The following DYNC2H1 variants were observed in gnomAD, a reference collection of about 807,000 sequenced individuals.
The protein encoded by DYNC2H1 is cytoplasmic dynein 2 heavy chain 1.
In DYNC2H1, 410 loss-of-function variants were observed where a neutral mutation model predicts 570.0. The ratio of observed to expected loss-of-function variants is 0.72; its 90% CI spans 0.66 to 0.78. The LOEUF is 0.78. DYNC2H1 is among the 30% of genes least tolerant of loss of function. The pLI is 0.00. For synonymous variants in DYNC2H1, 1,688 were observed against 1,677.6 expected (o/e 1.01, Z -0.15); for missense variants, 4,865 against 5,046.4 (o/e 0.96, Z 1.09).
intron 47 of DYNC2H1, among the ~76,000 whole-genome samples, chr11:103,195,188 C>G (rs2135063895): frequency 6.6e-6 from 1 of 152,256 alleles, no homozygotes; most frequent in African/African-American, 2.4e-5. Context: ...TGAAGCCTAA[C>G]CTATCATTTT....
intron 60 of DYNC2H1, among the ~76,000 whole-genome samples, chr11:103,233,429 TA>T (rs982626817): frequency 6.6e-6 from 1 of 151,842 alleles, no homozygotes; most frequent in African/African-American, 2.4e-5. Flanking sequence ...TCAAGGAAAA[TA>T]ATTTAAAAAG....
chr11:103,266,274 G>A (rs1399178038), intron 70 of DYNC2H1, among the ~76,000 whole-genome samples: 3 of 152,120 alleles, frequency 2.0e-5, no homozygotes, highest in Non-Finnish European at 2.9e-5. Flanking sequence ...TAACCAGGTG[G>A]GGGAGGCAGC....
intron 84 of DYNC2H1, among the ~76,000 whole-genome samples, chr11:103,418,119 G>A (rs192295161): frequency 3.0e-4 from 46 of 152,146 alleles, no homozygotes; most frequent in African/African-American, 1.0e-3. Flanking sequence ...TTATGATCAG[G>A]AATGAGGCAT....
At chr11:103,331,382 T>G (rs1938782750) in intron 82 of DYNC2H1, among the ~76,000 whole-genome samples, 1 of 152,046 alleles carries the variant, frequency 6.6e-6, no homozygotes, top group Non-Finnish European at 1.5e-5. Context: ...AGCTATTTTG[T>G]GGGGAGGGGT....
At chr11:103,172,271 C>G (rs1861606090) in intron 34 of DYNC2H1, among the ~76,000 whole-genome samples, 1 of 151,994 alleles carries the variant, frequency 6.6e-6, no homozygotes, top group South Asian at 2.1e-4. Flanking sequence ...TGTCTTTTCT[C>G]CCAACCAGTA....
intron 84 of DYNC2H1, 76 bp from the exon 85 acceptor site, chr11:103,435,867 A>G (rs1944042256): frequency 2.0e-6 from 3 of 1,476,336 alleles, no homozygotes; most frequent in East Asian, 2.4e-5. Flanking sequence ...ATTTTTCTCC[A>G]TCACACTAGT....
intron 83 of DYNC2H1, among the ~76,000 whole-genome samples, chr11:103,360,704 G>A (rs1396603601): frequency 2.0e-5 from 3 of 151,952 alleles, no homozygotes; most frequent in African/African-American, 7.3e-5. Flanking sequence ...TTTATGCTAG[G>A]GACTATGCAG....
At chr11:103,330,137 A>G (rs313389) in intron 82 of DYNC2H1, among the ~76,000 whole-genome samples, 47,039 of 152,144 alleles carry the variant, frequency 0.31, 8,610 homozygotes, top group Non-Finnish European at 0.4. Context: ...AATTCAGTTT[A>G]GTGGGGAGAG....
In DYNC2H1 at chr11:103,363,782, G is replaced by C. The variant is rs1424963583; in HGVS notation, c.12156+5423G>C. ...CAAAAGTGTTATTGTAGCTGATTTA[G>C]TGTGCATTCTCTGCTGCTTTATGTT... On this transcript the variant is annotated intron_variant, in intron 83 of 88. Coordinates refer to ENST00000375735, the MANE Select transcript of DYNC2H1 (RefSeq NM_001377.3). The surrounding 1 kb of genome is among the most constrained non-coding windows in gnomAD (Gnocchi z 5.6). Among the ~76,000 whole-genome samples, 1 of 152,188 alleles carries C rather than the reference G, an allele frequency of 6.6e-6. No homozygotes were observed. Among genetic ancestry groups the C allele is most frequent in the Non-Finnish European group, 1.5e-5 (1 of 68,030 alleles).
intron 82 of DYNC2H1, among the ~76,000 whole-genome samples, chr11:103,343,346 A>G (rs1390605804): frequency 6.6e-6 from 1 of 152,112 alleles, no homozygotes; most frequent in Non-Finnish European, 1.5e-5. Context: ...CTCTTCTCCA[A>G]GGCTAGTCTC....
intron 75 of DYNC2H1, among the ~76,000 whole-genome samples, chr11:103,301,453 G>A (rs533317554): frequency 6.7e-4 from 102 of 152,018 alleles, no homozygotes; most frequent in African/African-American, 2.3e-3. Flanking sequence ...ATAAATAACT[G>A]AATGCTTGAA....
intron 83 of DYNC2H1, among the ~76,000 whole-genome samples, chr11:103,381,097 G>T (rs542439453): frequency 6.6e-6 from 1 of 152,288 alleles, no homozygotes; most frequent in African/African-American, 2.4e-5. Context: ...AATTGATGAA[G>T]ATGTAAATAG....
chr11:103,350,615 C>T (rs1187871507), intron 82 of DYNC2H1, among the ~76,000 whole-genome samples: 1 of 152,178 alleles, frequency 6.6e-6, no homozygotes, highest in Non-Finnish European at 1.5e-5. Flanking sequence ...GTGGCTTAAA[C>T]AACAGAAATT....
At chr11:103,266,546 T>C (rs555894317) in intron 70 of DYNC2H1, among the ~76,000 whole-genome samples, 107 of 152,186 alleles carry the variant, frequency 7.0e-4, no homozygotes, top group African/African-American at 2.5e-3. Context: ...AAGGCTCTTT[T>C]TGCGATGGTG....
chr11:103,229,600 C>T (rs1343618326), intron 59 of DYNC2H1, among the ~76,000 whole-genome samples: 1 of 152,030 alleles, frequency 6.6e-6, no homozygotes, highest in African/African-American at 2.4e-5. Flanking sequence ...CTTCATTGAT[C>T]TGTGTGTTCT....
chr11:103,335,476 T>TCAGGGGAAAACA (rs561416419), intron 82 of DYNC2H1, among the ~76,000 whole-genome samples: 2 of 88,302 alleles, frequency 2.3e-5, no homozygotes, highest in African/African-American at 8.1e-5. Context: ...GGATGTTTGG[T>TCAGGGGAAAACA]TGGCTTCTGG....
intron 23 of DYNC2H1, 31 bp downstream of exon 23, chr11:103,154,637 A>C: frequency 6.3e-7 from 1 of 1,578,180 alleles, no homozygotes; most frequent in South Asian, 1.2e-5. Context: ...TTAGACTAAT[A>C]ATTTGGTTGT....
intron 87 of DYNC2H1, among the ~76,000 whole-genome samples, chr11:103,464,225 C>T (rs1214410370): frequency 6.6e-6 from 1 of 151,934 alleles, no homozygotes; most frequent in Non-Finnish European, 1.5e-5. Context: ...TGGAGAGAAA[C>T]AGGGAAAGAT....
intron 76 of DYNC2H1, among the ~76,000 whole-genome samples, chr11:103,304,245 AG>A (rs1867177148): frequency 6.6e-6 from 1 of 152,192 alleles, no homozygotes; most frequent in African/African-American, 2.4e-5. Flanking sequence ...TGTTAGGCTC[AG>A]GTGTGAAGGT....
Sources: allele counts gnomAD v4.1 joint callset (sites outside exome capture counted in the v4.1 genomes callset), GRCh38; gene constraint gnomAD v4.1.1; non-coding constraint Gnocchi (gnomAD v3.1); transcripts MANE v1.5; gene names NCBI Gene and HGNC (gene_info 2026-07-23, HGNC 2026-07-21).